ZCCHC10: variants seen among roughly 807,000 people sequenced by gnomAD.
ZCCHC10 encodes the protein zinc finger CCHC domain-containing protein 10.
Under a neutral mutation model 19.5 loss-of-function variants are expected in ZCCHC10, and 16 were observed. The observed-to-expected ratio is 0.82, with a 90% CI of 0.56 to 1.25. The LOEUF is 1.25. Among genes scored for constraint, ZCCHC10 ranks in the 50% most tolerant of loss-of-function variants. The probability of loss-of-function intolerance (pLI) is 0.00; values close to 1 mark genes in which losing one functional copy is unlikely to be tolerated. For synonymous variants in ZCCHC10, 67 were observed against 72.5 expected, an observed-to-expected ratio of 0.92 and a Z score of 0.38; for missense variants, 197 against 201.0, an observed-to-expected ratio of 0.98 and a Z score of 0.12.
rs55645444 is a variant in ZCCHC10 at position 132,998,835 on chromosome 5, G to A, written c.327C>T (p.Thr109=). 6.2e-7 allele frequency: 1 copy of A among 1,613,960 alleles called. No homozygotes were observed. The highest frequency in any genetic ancestry group is 2.2e-5 in the East Asian group (1 of 44,900). ...KAKKKRSKSV[T]SSSSSSSDSS... is the part of the protein sequence containing the mutation. ...TGTCACTGCTACTGCTACTGGAACT[G>A]GTTACACTCTTAGACCTATTAGACA... Residue 109 remains threonine, a synonymous_variant, in exon 5 of 5, where the codon ACC becomes ACT. Coordinates refer to ENST00000509437, the MANE Select transcript of ZCCHC10 (RefSeq NM_001300816.3).
intron 1 of ZCCHC10, 34 bp downstream of exon 1, chr5:133,026,463 C>T: frequency 6.2e-7 from 1 of 1,611,800 alleles, no homozygotes; most frequent in Non-Finnish European, 8.5e-7. Context: ...CCGCTCCCAG[C>T]CCTCCAGTGG....
chr5:133,025,658 A>G (rs1764653313), intron 1 of ZCCHC10, among the ~76,000 whole-genome samples: 1 of 152,140 alleles, frequency 6.6e-6, no homozygotes, highest in African/African-American at 2.4e-5. Context: ...TCAGGCTCAA[A>G]GCAATTATGC....
chr5:133,000,522 C>T, intron 3 of ZCCHC10, among the ~76,000 whole-genome samples: 1 of 152,116 alleles, frequency 6.6e-6, no homozygotes, highest in Non-Finnish European at 1.5e-5. Context: ...AAGCTAATAG[C>T]ACAATAGCCC....
chr5:133,008,017 A>G (rs1156900586), intron 2 of ZCCHC10, among the ~76,000 whole-genome samples: 1 of 151,596 alleles, frequency 6.6e-6, no homozygotes. Context: ...CGAGGTCAGG[A>G]GATCGAGACC....
In ZCCHC10 at chr5:132,998,623, C is replaced by T. The variant is rs563221255; in HGVS notation, c.539G>A (p.Ser180Asn). Residue 180 changes from serine (S) to asparagine (N), a missense_variant, in exon 5 of 5, where the codon AGC becomes AAC. Physicochemically the swap from Ser to Asn is conservative, Grantham distance 46. Transcript: ENST00000509437. The stretch of plus-strand genomic sequence containing the variant: ...CTTCTTTGGTGGTTCATCGTCAGAG[C>T]TGCTATCTGTGCTGGTGCTACTGCT... Reference protein sequence around the residue: ...SSSSSTSTDSSSDDEPPKKKK... With the variant: ...SSSSSTSTDSNSDDEPPKKKK... 2.5e-6 allele frequency: 4 copies of T among 1,614,078 alleles called. No homozygotes were observed. Among genetic ancestry groups the T allele is most frequent in the African/African-American group, 1.3e-5 (1 of 75,028 alleles).
In ZCCHC10 at chr5:133,013,401, A is replaced by G. The variant is rs1467476878; in HGVS notation, c.108-6481T>C. 2.6e-5 allele frequency among the ~76,000 whole-genome samples: 4 copies of G among 152,096 alleles called. No homozygotes were observed. The East Asian group carries it at 7.7e-4, about 29-fold the overall frequency. On this transcript the variant is annotated intron_variant, in intron 2 of 4. Coordinates refer to ENST00000509437, the MANE Select transcript of ZCCHC10 (RefSeq NM_001300816.3). ...ACTCCCAGAAAGACTAAAAATAAAA[A>G]CTAGTAATAGCAAATGTTAGCAAAG...
At chr5:133,005,449 C>T (rs1349626003) in intron 3 of ZCCHC10, among the ~76,000 whole-genome samples, 4 of 152,024 alleles carry the variant, frequency 2.6e-5, no homozygotes, top group Admixed American at 2.0e-4. Flanking sequence ...CCCATCTCTA[C>T]CAAAAATACA....
At chr5:133,017,694 T>C (rs1764015198) in intron 2 of ZCCHC10, among the ~76,000 whole-genome samples, 1 of 152,046 alleles carries the variant, frequency 6.6e-6, no homozygotes, top group Non-Finnish European at 1.5e-5. Flanking sequence ...ATTCTCAAAA[T>C]TGGAAATAAT....
At chr5:133,016,423 A>C (rs565213993) in intron 2 of ZCCHC10, among the ~76,000 whole-genome samples, 9 of 152,310 alleles carry the variant, frequency 5.9e-5, no homozygotes, top group African/African-American at 1.9e-4. Context: ...AAAGCTGAGA[A>C]GCAATTATTA....
At chr5:133,025,227 G>C (rs1764593156) in intron 1 of ZCCHC10, among the ~76,000 whole-genome samples, 1 of 152,002 alleles carries the variant, frequency 6.6e-6, no homozygotes, top group African/African-American at 2.4e-5. Context: ...AGGGGTTGCC[G>C]CGCGCGGTAG....
At chr5:133,019,042 G>A (rs972756997) in intron 2 of ZCCHC10, 3 of 448,396 alleles carry the variant, frequency 6.7e-6, no homozygotes, top group South Asian at 4.7e-5. Context: ...ACATTCTGGA[G>A]TTTGTTTTTT....
chr5:133,015,077 GTT>G (rs35057432), intron 2 of ZCCHC10, among the ~76,000 whole-genome samples: 6 of 128,758 alleles, frequency 4.7e-5, no homozygotes, highest in African/African-American at 3.1e-5. Flanking sequence ...CCACTGTGAG[GTT>G]TTTTTTTTTT....
intron 2 of ZCCHC10, among the ~76,000 whole-genome samples, chr5:133,008,317 A>G (rs1581393627): frequency 6.7e-6 from 1 of 150,314 alleles, no homozygotes. Context: ...AGGCAGGTGG[A>G]TCAGGAGGTC....
At chr5:133,003,974 T>C (rs562438762) in intron 3 of ZCCHC10, among the ~76,000 whole-genome samples, 2 of 152,274 alleles carry the variant, frequency 1.3e-5, no homozygotes, top group South Asian at 4.1e-4. Flanking sequence ...CCTCCCATAG[T>C]GCTGGAATTA....
intron 2 of ZCCHC10, among the ~76,000 whole-genome samples, chr5:133,009,963 T>G (rs1763386597): frequency 6.6e-6 from 1 of 152,090 alleles, no homozygotes; most frequent in Admixed American, 6.6e-5. Context: ...TTAGGTACAC[T>G]GTAAATCCTA....
At chr5:133,017,962 G>A (rs1764032550) in intron 2 of ZCCHC10, among the ~76,000 whole-genome samples, 1 of 151,948 alleles carries the variant, frequency 6.6e-6, no homozygotes, top group Non-Finnish European at 1.5e-5. Context: ...TGGCCAACAT[G>A]GCAAAACTCT....
intron 3 of ZCCHC10, among the ~76,000 whole-genome samples, chr5:133,005,450 CA>C (rs1203365658): frequency 6.6e-6 from 1 of 151,732 alleles, no homozygotes; most frequent in African/African-American, 2.4e-5. Flanking sequence ...CCATCTCTAC[CA>C]AAAATACAAA....
chr5:133,016,504 G>A (rs1048242263), intron 2 of ZCCHC10, among the ~76,000 whole-genome samples: 1 of 151,882 alleles, frequency 6.6e-6, no homozygotes, highest in Non-Finnish European at 1.5e-5. Context: ...GTGCAATGGC[G>A]CAATCTTGGC....
intron 2 of ZCCHC10, among the ~76,000 whole-genome samples, chr5:133,010,578 T>C (rs886784703): frequency 3.9e-5 from 6 of 152,174 alleles, no homozygotes; most frequent in Admixed American, 1.3e-4. Context: ...TGGAACCTTA[T>C]ATTAGCTATA....
Sources: allele counts gnomAD v4.1 joint callset (sites outside exome capture counted in the v4.1 genomes callset), GRCh38; gene constraint gnomAD v4.1.1; transcripts MANE v1.5; gene names NCBI Gene and HGNC (gene_info 2026-07-23, HGNC 2026-07-21).